Variants in CLASP1 observed in about 807,000 individuals in gnomAD.
The protein encoded by CLASP1 is cytoplasmic linker associated protein 1, also known as CLIP-associating protein 1.
CLASP1 carries 38 observed loss-of-function variants against 192.3 expected under a neutral mutation model. That is an observed-to-expected ratio of 0.20 (90% CI 0.15 to 0.26). The LOEUF (loss-of-function observed/expected upper bound fraction) is 0.26, where lower values mean the gene tolerates loss of function less well. CLASP1 is among the 10% of genes least tolerant of loss of function. CLASP1 has a pLI of 1.00. For missense variants in CLASP1, 1,433 were observed against 1,932.5 expected (o/e 0.74, Z 4.85); for synonymous variants, 691 against 712.8 (o/e 0.97, Z 0.49).
At chr2:121,343,640 A>G (rs905177352) in intron 39 of CLASP1, among the ~76,000 whole-genome samples, 8 of 152,198 alleles carry the variant, frequency 5.3e-5, no homozygotes, top group African/African-American at 1.4e-4. Flanking sequence ...AGAAAGTAGA[A>G]AGGTGGATGC....
At chr2:121,634,381 ACT>A (rs747215346) in intron 1 of CLASP1, among the ~76,000 whole-genome samples, 4 of 151,462 alleles carry the variant, frequency 2.6e-5, no homozygotes, top group East Asian at 1.9e-4. Context: ...TTCTTTAAAG[ACT>A]CTCTGTTTTT....
chr2:121,453,781 G>A (rs1384612628), intron 14 of CLASP1, among the ~76,000 whole-genome samples: 5 of 152,140 alleles, frequency 3.3e-5, no homozygotes, highest in Admixed American at 3.3e-4. Context: ...CTATATATAC[G>A]TTAATGTCAG....
intron 8 of CLASP1, among the ~76,000 whole-genome samples, chr2:121,477,839 C>G (rs187709066): frequency 1.3e-5 from 2 of 152,232 alleles, no homozygotes; most frequent in East Asian, 3.9e-4. Flanking sequence ...TGTACCAGGT[C>G]CTGGGTTTGG....
At chr2:121,611,841 G>A (rs188966667) in intron 1 of CLASP1, among the ~76,000 whole-genome samples, 5 of 150,876 alleles carry the variant, frequency 3.3e-5, no homozygotes, top group African/African-American at 1.2e-4. Flanking sequence ...AACTGGAGGA[G>A]GAGGCATTGG....
intron 2 of CLASP1, among the ~76,000 whole-genome samples, chr2:121,541,749 C>T (rs775017653): frequency 2.0e-5 from 3 of 152,168 alleles, no homozygotes; most frequent in Non-Finnish European, 2.9e-5. Context: ...GCTCCATCTC[C>T]GAGCTTCAAA....
chr2:121,648,785 C>T (rs1045926058), intron 1 of CLASP1, among the ~76,000 whole-genome samples: 4 of 152,218 alleles, frequency 2.6e-5, no homozygotes, highest in Non-Finnish European at 5.9e-5. Context: ...TCTTCGAAGG[C>T]CCCGGGAACC....
chr2:121,578,124 G>A (rs2060719038), intron 2 of CLASP1, among the ~76,000 whole-genome samples: 2 of 152,024 alleles, frequency 1.3e-5, no homozygotes, highest in Middle Eastern at 6.8e-3. Flanking sequence ...ATAGAGATAG[G>A]GTTTCACCAT....
chr2:121,468,437 G>A (rs1010755922), intron 9 of CLASP1, among the ~76,000 whole-genome samples: 3 of 151,904 alleles, frequency 2.0e-5, no homozygotes, highest in African/African-American at 7.3e-5. Flanking sequence ...TGTTTGTATC[G>A]TCTCTGATCT....
intron 9 of CLASP1, among the ~76,000 whole-genome samples, chr2:121,468,436 C>T (rs572509744): frequency 1.3e-5 from 2 of 152,120 alleles, no homozygotes; most frequent in African/African-American, 2.4e-5. Context: ...TTGTTTGTAT[C>T]GTCTCTGATC....
chr2:121,558,424 G>A (rs1157051215), intron 2 of CLASP1, among the ~76,000 whole-genome samples: 4 of 152,184 alleles, frequency 2.6e-5, no homozygotes, highest in Admixed American at 6.5e-5. Context: ...AATCTACAAT[G>A]CTGCAGTACT....
chr2:121,429,446 T>G (rs1227933890), intron 20 of CLASP1, among the ~76,000 whole-genome samples: 1 of 152,198 alleles, frequency 6.6e-6, no homozygotes, highest in African/African-American at 2.4e-5. Context: ...AAAGTTTATG[T>G]GTGGCTGGAA....
At chr2:121,579,544 T>C (rs1039951730) in intron 2 of CLASP1, among the ~76,000 whole-genome samples, 3 of 152,192 alleles carry the variant, frequency 2.0e-5, no homozygotes, top group African/African-American at 7.2e-5. Context: ...TAAGGCTGTT[T>C]TGTTGGTGAA....
intron 19 of CLASP1, among the ~76,000 whole-genome samples, chr2:121,443,351 G>T (rs2149744266): frequency 6.6e-6 from 1 of 151,722 alleles, no homozygotes; most frequent in Middle Eastern, 3.5e-3. Flanking sequence ...CTGTTATATA[G>T]GCATAGAAAT....
At chr2:121,530,218 G>A (rs895214325) in intron 3 of CLASP1, 29 bp downstream of exon 3, 4 of 1,539,748 alleles carry the variant, frequency 2.6e-6, no homozygotes, top group Admixed American at 2.0e-5. Flanking sequence ...TGAAGGGGCC[G>A]GGTCCGCTCC....
At chr2:121,359,102 T>C (rs1226145304) in intron 37 of CLASP1, among the ~76,000 whole-genome samples, 1 of 152,260 alleles carries the variant, frequency 6.6e-6, no homozygotes, top group Admixed American at 6.5e-5. Flanking sequence ...TCACACTGAC[T>C]GGCAGCAACA....
At chr2:121,502,979 A>G (rs1320737456) in intron 8 of CLASP1, among the ~76,000 whole-genome samples, 188 bp downstream of exon 8, 1 of 152,190 alleles carries the variant, frequency 6.6e-6, no homozygotes, top group Non-Finnish European at 1.5e-5. Flanking sequence ...AATTCAATAC[A>G]GGTTATGAAA....
At chr2:121,363,347 C>T (rs2066764137) in intron 36 of CLASP1, 47 bp from the exon 38 acceptor site, 5 of 1,606,910 alleles carry the variant, frequency 3.1e-6, no homozygotes, top group Non-Finnish European at 4.2e-6. Context: ...CCACACAGCA[C>T]TTTCACACAC....
exon 4 of CLASP1, chr2:121,528,755 T>C (rs1266861520): frequency 1.9e-6 from 3 of 1,612,896 alleles, no homozygotes; most frequent in African/African-American, 2.7e-5. Flanking sequence ...TAGCATCTCC[T>C]AGTCTGTCTA....
intron 25 of CLASP1, among the ~76,000 whole-genome samples, chr2:121,406,356 C>G (rs1382544251): frequency 6.6e-6 from 1 of 152,176 alleles, no homozygotes; most frequent in Non-Finnish European, 1.5e-5. Flanking sequence ...TTGTTATCTC[C>G]TCACTATGTA....
Sources: allele counts gnomAD v4.1 joint callset (sites outside exome capture counted in the v4.1 genomes callset), GRCh38; gene constraint gnomAD v4.1.1; transcripts MANE v1.5; gene names NCBI Gene and HGNC (gene_info 2026-07-23, HGNC 2026-07-21).